SOX6: variants seen among roughly 807,000 people sequenced by gnomAD.
SOX6 encodes the protein SRY-box transcription factor 6, also known as transcription factor SOX-6.
SOX6 carries 11 observed loss-of-function variants against 97.8 expected under a neutral mutation model. The observed-to-expected ratio is 0.11, with a 90% CI of 0.07 to 0.19. The LOEUF (loss-of-function observed/expected upper bound fraction) is 0.19. Among genes scored for constraint, SOX6 ranks in the 10% least tolerant of loss-of-function variants. The pLI is 1.00. For synonymous variants in SOX6, 360 were observed against 371.4 expected (o/e 0.97, Z 0.35); for missense variants, 810 against 1,039.5 (o/e 0.78, Z 3.04).
At position 16,177,501 on chromosome 11, in the gene SOX6, A is replaced by G. The variant is rs191816990; in HGVS notation, c.777+6385T>C. Among the ~76,000 whole-genome samples the G allele has an allele frequency of 1.5e-3, 222 of 152,086 alleles. 3 individuals carry two copies. Among genetic ancestry groups the G allele is most frequent in the African/African-American group, 5.2e-3 (215 of 41,526 alleles). The stretch of plus-strand genomic sequence containing the variant: ...AACTTCATATTATACTTCAAATAGA[A>G]AATTAAAATCACCTGCCGTAAATAG... On this transcript the variant is annotated intron_variant, in intron 6 of 15. Transcript: ENST00000683767.
chr11:16,159,464 T>A (rs1850686678), intron 6 of SOX6, among the ~76,000 whole-genome samples: 1 of 152,136 alleles, frequency 6.6e-6, no homozygotes. Context: ...CCTTTAATAT[T>A]TTTATTTGGC....
chr11:16,339,694 G>T (rs886951240), intron 2 of SOX6, among the ~76,000 whole-genome samples: 8 of 151,868 alleles, frequency 5.3e-5, no homozygotes, highest in African/African-American at 1.9e-4. Context: ...TGTCTGCTTT[G>T]TTCACCACTA....
chr11:16,645,938 A>G (rs1015071503), intron 3 of SOX6: 20 of 152,348 alleles, frequency 1.3e-4, no homozygotes, highest in African/African-American at 4.8e-4. Flanking sequence ...TTATTTAAAA[A>G]AAAAACAAAC....
intron 1 of SOX6, among the ~76,000 whole-genome samples, chr11:16,363,310 A>G (rs1857257429): frequency 6.6e-6 from 1 of 152,160 alleles, no homozygotes; most frequent in African/African-American, 2.4e-5. Flanking sequence ...GCATTCCCTA[A>G]TCTGAAAATG....
At chr11:16,089,276 T>C (rs1848634675) in intron 9 of SOX6, among the ~76,000 whole-genome samples, 1 of 152,150 alleles carries the variant, frequency 6.6e-6, no homozygotes, top group South Asian at 2.1e-4. Context: ...AAATAATTCA[T>C]GTTTAGAAAA....
At chr11:16,520,973 C>T (rs545191081) in intron 4 of SOX6, among the ~76,000 whole-genome samples, 29 of 152,276 alleles carry the variant, frequency 1.9e-4, no homozygotes, top group African/African-American at 5.3e-4. Flanking sequence ...ACAAAGCAGC[C>T]GGGAAGCTCG....
intron 6 of SOX6, among the ~76,000 whole-genome samples, chr11:16,145,122 T>A (rs1401550807): frequency 6.6e-6 from 1 of 152,140 alleles, no homozygotes; most frequent in East Asian, 1.9e-4. Flanking sequence ...GCAAACCGAA[T>A]CCATTAGCAC....
intron 2 of SOX6, among the ~76,000 whole-genome samples, chr11:16,724,068 T>A (rs1848286647): frequency 6.6e-6 from 1 of 152,232 alleles, no homozygotes; most frequent in Non-Finnish European, 1.5e-5. Context: ...AATTACTGAA[T>A]ATAATAACTA....
chr11:16,735,830 T>G (rs1164994436), intron 2 of SOX6, among the ~76,000 whole-genome samples: 1 of 152,166 alleles, frequency 6.6e-6, no homozygotes, highest in Admixed American at 6.5e-5. Context: ...AGGAATTTTT[T>G]TTTTTAGTCT....
chr11:16,146,906 G>A (rs908516587), intron 6 of SOX6, among the ~76,000 whole-genome samples: 1 of 152,172 alleles, frequency 6.6e-6, no homozygotes, highest in Non-Finnish European at 1.5e-5. Context: ...CTGTTGGTGG[G>A]ACTGTAAACT....
At chr11:16,125,746 G>A (rs1187395255) in intron 6 of SOX6, among the ~76,000 whole-genome samples, 1 of 150,440 alleles carries the variant, frequency 6.6e-6, no homozygotes, top group South Asian at 2.1e-4. Context: ...CAGGTCAAGA[G>A]ACAGAAATAC....
At chr11:16,423,559 A>C (rs573389810) in intron 1 of SOX6, among the ~76,000 whole-genome samples, 56 of 152,176 alleles carry the variant, frequency 3.7e-4, no homozygotes, top group Non-Finnish European at 6.8e-4. Context: ...ATAAAGAAAA[A>C]GGAGTCAACA....
At chr11:16,180,426 C>A (rs192095417) in intron 6 of SOX6, among the ~76,000 whole-genome samples, 10 of 151,738 alleles carry the variant, frequency 6.6e-5, no homozygotes, top group Admixed American at 2.0e-4. Context: ...TATTCCATGA[C>A]CTATTAGTTT....
chr11:16,172,606 C>T (rs551995045), intron 6 of SOX6, among the ~76,000 whole-genome samples: 2 of 152,086 alleles, frequency 1.3e-5, no homozygotes, highest in South Asian at 2.1e-4. Context: ...CCAAACTTGA[C>T]GTTTGCCTTT....
intron 6 of SOX6, among the ~76,000 whole-genome samples, chr11:16,151,799 C>A (rs1390782064): frequency 6.6e-6 from 1 of 152,056 alleles, no homozygotes; most frequent in Admixed American, 6.6e-5. Context: ...AGTGAGGAAA[C>A]CACCTCTAGG....
intron 7 of SOX6, among the ~76,000 whole-genome samples, chr11:16,100,517 A>T (rs1424348215): frequency 6.6e-6 from 1 of 151,786 alleles, no homozygotes; most frequent in Non-Finnish European, 1.5e-5. Flanking sequence ...TTTGCTTGAC[A>T]TTAGTTTCAC....
chr11:16,236,032 T>G (rs1402216946), intron 3 of SOX6, among the ~76,000 whole-genome samples: 1 of 152,052 alleles, frequency 6.6e-6, no homozygotes, highest in Non-Finnish European at 1.5e-5. Flanking sequence ...TAAATAGAAG[T>G]CAGCTTGATT....
At chr11:16,307,777 A>G (rs560518764) in intron 3 of SOX6, among the ~76,000 whole-genome samples, 1 of 152,162 alleles carries the variant, frequency 6.6e-6, no homozygotes, top group Non-Finnish European at 1.5e-5. Context: ...AAATAATTCA[A>G]TATTTTGTCA....
intron 3 of SOX6, among the ~76,000 whole-genome samples, chr11:16,684,283 T>C (rs1052128755): frequency 6.6e-6 from 1 of 152,176 alleles, no homozygotes; most frequent in African/African-American, 2.4e-5. Flanking sequence ...CATGCACAAG[T>C]ATGTATATTA....
Sources: allele counts gnomAD v4.1 joint callset (sites outside exome capture counted in the v4.1 genomes callset), GRCh38; gene constraint gnomAD v4.1.1; transcripts MANE v1.5; gene names NCBI Gene and HGNC (gene_info 2026-07-23, HGNC 2026-07-21).